ME3: variants seen among roughly 807,000 people sequenced by gnomAD.
ME3 encodes the protein NADP-dependent malic enzyme, mitochondrial.
In ME3, 48 loss-of-function variants were observed where a neutral mutation model predicts 68.9. The observed-to-expected ratio is 0.70, with a 90% confidence interval of 0.55 to 0.89. The LOEUF is 0.89. Ranked by LOEUF, ME3 falls within the 40% of genes least tolerant of loss-of-function variation. ME3 has a pLI of 0.00. For synonymous variants in ME3, 320 were observed against 318.8 expected (o/e 1.00, Z -0.04); for missense variants, 675 against 797.4 (o/e 0.85, Z 1.85).
At chr11:86,608,462 A>C (rs1942315328) in intron 2 of ME3, among the ~76,000 whole-genome samples, 1 of 152,208 alleles carries the variant, frequency 6.6e-6, no homozygotes, top group African/African-American at 2.4e-5. Context: ...TTTTTCTCTG[A>C]GGATGCACTC....
chr11:86,503,806 C>T (rs1265421777), intron 5 of ME3, among the ~76,000 whole-genome samples: 1 of 152,188 alleles, frequency 6.6e-6, no homozygotes, highest in Non-Finnish European at 1.5e-5. Flanking sequence ...GAACCTCCTC[C>T]TGCGAAGCTC....
chr11:86,496,258 TAGCTG>T (rs781507957), intron 6 of ME3, among the ~76,000 whole-genome samples: 3 of 151,988 alleles, frequency 2.0e-5, no homozygotes, highest in Non-Finnish European at 4.4e-5. Context: ...ATACAAAAAT[TAGCTG>T]AGCGTGGTAG....
chr11:86,560,214 C>T (rs890081368), intron 2 of ME3, among the ~76,000 whole-genome samples: 1 of 152,140 alleles, frequency 6.6e-6, no homozygotes, highest in Admixed American at 6.5e-5. Flanking sequence ...GTGATTGGAT[C>T]ACAGGGGCAG....
At chr11:86,500,418 T>C (rs897645974) in intron 5 of ME3, among the ~76,000 whole-genome samples, 1 of 152,244 alleles carries the variant, frequency 6.6e-6, no homozygotes, top group African/African-American at 2.4e-5. Flanking sequence ...CTCCATCTAC[T>C]GTCCACCCGC....
intron 2 of ME3, among the ~76,000 whole-genome samples, chr11:86,602,626 A>G (rs923652461): frequency 6.6e-6 from 1 of 152,186 alleles, no homozygotes; most frequent in Admixed American, 6.5e-5. Context: ...TATGGAACCA[A>G]AAAAGAGCCC....
chr11:86,598,614 C>T (rs982452430), intron 2 of ME3, among the ~76,000 whole-genome samples: 1 of 152,024 alleles, frequency 6.6e-6, no homozygotes, highest in African/African-American at 2.4e-5. Flanking sequence ...TCCCAGCATG[C>T]AGCTGGAGAT....
intron 2 of ME3, among the ~76,000 whole-genome samples, chr11:86,632,986 C>A (rs765220789): frequency 6.6e-6 from 1 of 152,216 alleles, no homozygotes; most frequent in East Asian, 1.9e-4. Flanking sequence ...TCCGCCTGAG[C>A]ACTGCACGGC....
At position 86,522,435 on chromosome 11, in the gene ME3, G is replaced by A. The variant is rs1434759951; in HGVS notation, c.468-13568C>T. 2.0e-5 allele frequency among the ~76,000 whole-genome samples: 3 copies of A among 150,750 alleles called. No individual in the cohort carries two copies. The East Asian group carries it at 5.8e-4, about 29-fold the overall frequency. On this transcript the variant is annotated intron_variant, in intron 4 of 14. Transcript: ENST00000543262. ...TGTTACATAGGTATACATGTGCCAT[G>A]GTGGTTTGCTGCACCTGTCAACCTG...
At chr11:86,501,602 T>C (rs1416892377) in intron 5 of ME3, among the ~76,000 whole-genome samples, 2 of 152,200 alleles carry the variant, frequency 1.3e-5, no homozygotes, top group Non-Finnish European at 2.9e-5. Flanking sequence ...AAATGTCCAA[T>C]AGTCTTCCCA....
At chr11:86,590,590 A>G (rs1958998833) in intron 2 of ME3, among the ~76,000 whole-genome samples, 1 of 152,182 alleles carries the variant, frequency 6.6e-6, no homozygotes, top group Non-Finnish European at 1.5e-5. Context: ...ACCTCAAGGC[A>G]GAGGAGATTT....
intron 7 of ME3, among the ~76,000 whole-genome samples, chr11:86,484,651 G>A (rs1295159771): frequency 1.3e-5 from 2 of 152,150 alleles, no homozygotes; most frequent in Non-Finnish European, 2.9e-5. Context: ...TTTTCTGTGG[G>A]GAATCACAGA....
intron 2 of ME3, among the ~76,000 whole-genome samples, chr11:86,572,330 A>G (rs1957847230): frequency 6.6e-6 from 1 of 151,928 alleles, no homozygotes; most frequent in Non-Finnish European, 1.5e-5. Context: ...GGTTAGTTAC[A>G]TAGGTATACA....
exon 9 of ME3, chr11:86,450,304 G>T: frequency 1.9e-6 from 3 of 1,613,754 alleles, no homozygotes; most frequent in Non-Finnish European, 2.5e-6. Context: ...CACATACCTC[G>T]CCTGCACCTT....
chr11:86,667,002 A>G (rs1207418713), intron 2 of ME3, among the ~76,000 whole-genome samples: 1 of 152,228 alleles, frequency 6.6e-6, no homozygotes, highest in Non-Finnish European at 1.5e-5. Flanking sequence ...TCATCATTGA[A>G]TACAGAAGGG....
At chr11:86,607,651 T>G (rs111307749) in intron 2 of ME3, among the ~76,000 whole-genome samples, 2 of 151,416 alleles carry the variant, frequency 1.3e-5, no homozygotes, top group Non-Finnish European at 2.9e-5. Context: ...TTTTGTTGTT[T>G]TTTTTCAGCT....
At chr11:86,545,917 T>C (rs1956333367) in intron 4 of ME3, among the ~76,000 whole-genome samples, 1 of 152,174 alleles carries the variant, frequency 6.6e-6, no homozygotes, top group Non-Finnish European at 1.5e-5. Flanking sequence ...CAAATTATAC[T>C]ACAAGGCTTC....
At position 86,559,722 on chromosome 11, in the gene ME3, T is replaced by C. The variant is rs370561420; in HGVS notation, c.285A>G (p.Arg95=). Residue 95 remains arginine (R), a synonymous_variant, in exon 3 of 15, where the codon AGA becomes AGG. Coordinates refer to ENST00000543262, the Ensembl canonical transcript of ME3. The stretch of plus-strand genomic sequence containing the variant: ...GGTCACTCTGCTGCCGCTCGTAATA[T>C]CTCATGATTCGGAGGAGCTGGACGT... 3 of 1,613,722 alleles carry C rather than the reference T, an allele frequency of 1.9e-6. No individual in the cohort carries two copies. In the African/African-American group the frequency reaches 4.0e-5, roughly 22 times the overall value.
At chr11:86,447,184 A>C in exon 12 of ME3, 1 of 1,614,132 alleles carries the variant, frequency 6.2e-7, no homozygotes, top group Admixed American at 1.7e-5. Context: ...TGCTCCGTGA[A>C]GGCTCCTGCG....
At chr11:86,626,577 T>A (rs1280153316) in intron 2 of ME3, among the ~76,000 whole-genome samples, 1 of 152,204 alleles carries the variant, frequency 6.6e-6, no homozygotes, top group Admixed American at 6.5e-5. Flanking sequence ...CTAAAGGTGG[T>A]AGGTACTTCC....
Sources: gnomAD v4.1 joint callset for allele counts (sites outside exome capture counted in the v4.1 genomes callset) on GRCh38, gnomAD v4.1.1 for gene constraint, MANE v1.5 for transcripts, NCBI Gene and HGNC (gene_info 2026-07-23, HGNC 2026-07-21) for gene names.